The following TCERG1 variants were observed in gnomAD, a reference collection of about 807,000 sequenced individuals.
TCERG1 encodes transcription elongation regulator 1.
In TCERG1, 37 loss-of-function variants were observed where a neutral mutation model predicts 144.7. That is an observed-to-expected ratio of 0.26 (90% CI 0.20 to 0.34). The LOEUF (loss-of-function observed/expected upper bound fraction) is 0.34. Among genes scored for constraint, TCERG1 ranks in the 10% least tolerant of loss-of-function variants. The pLI, the probability that TCERG1 is intolerant of heterozygous loss-of-function variation, is 1.00. For missense variants in TCERG1, 1,027 were observed against 1,380.7 expected (o/e 0.74, Z 4.06); for synonymous variants, 492 against 458.2 (o/e 1.07, Z -0.94).
At chr5:146,459,965 G>C (rs1204841823) in intron 4 of TCERG1, among the ~76,000 whole-genome samples, 2 of 152,160 alleles carry the variant, frequency 1.3e-5, no homozygotes, top group Admixed American at 1.3e-4. Context: ...TAGGCAAATA[G>C]GTGAGACAGG....
chr5:146,485,979 G>A (rs1765792726), intron 15 of TCERG1, among the ~76,000 whole-genome samples: 1 of 152,298 alleles, frequency 6.6e-6, no homozygotes, highest in African/African-American at 2.4e-5. Flanking sequence ...ACAGGCGTGA[G>A]CCACCACGCC....
chr5:146,480,034 A>T lies in TCERG1; in HGVS notation c.1826A>T (p.Glu609Val), dbSNP rs1765200747. The change falls in exon 12 of 23, where the codon GAG becomes GTG. Residue 609 changes from glutamate (E) to valine (V), a missense_variant. Around this residue, in one of 6 missense-constraint regions of TCERG1, gnomAD observed 482 missense variants for 632.6 expected, o/e 0.76. Coordinates refer to ENST00000679501, the MANE Select transcript of TCERG1 (RefSeq NM_001382548.1). ...ATTAAATTTTGTCTTATAGTTAAAG[A>T]GGAACAAGAATTAATGGAAGAAATT... ...KWQFSMSAIK[E>V]EQELMEEINE... 2 of 1,600,614 alleles carry T rather than the reference A, an allele frequency of 1.2e-6. No homozygotes were observed. Among genetic ancestry groups the T allele is most frequent in the Non-Finnish European group, 1.7e-6 (2 of 1,174,476 alleles).
chr5:146,456,400 A>C (rs1032071047), intron 2 of TCERG1, among the ~76,000 whole-genome samples: 4 of 152,198 alleles, frequency 2.6e-5, no homozygotes, highest in Admixed American at 6.5e-5. Flanking sequence ...AAATATATCA[A>C]ATGTTGTGCT....
intron 1 of TCERG1, among the ~76,000 whole-genome samples, chr5:146,454,204 A>AC (rs2150201665): frequency 6.9e-6 from 1 of 145,812 alleles, no homozygotes; most frequent in Admixed American, 6.8e-5. Flanking sequence ...GGTCTCAAAA[A>AC]AAAAAAAGAA....
intron 5 of TCERG1, among the ~76,000 whole-genome samples, chr5:146,466,054 A>AATAT (rs1021502617): frequency 1.3e-5 from 2 of 151,984 alleles, no homozygotes; most frequent in African/African-American, 4.8e-5. Context: ...ATTAGCATCA[A>AATAT]ATATTAGTTT....
chr5:146,453,994 A>G (rs1406528731), intron 1 of TCERG1, among the ~76,000 whole-genome samples: 1 of 150,954 alleles, frequency 6.6e-6, no homozygotes, highest in African/African-American at 2.4e-5. Context: ...TCAGGAGATC[A>G]AGACCATTGC....
intron 6 of TCERG1, 41 bp downstream of exon 6, chr5:146,468,444 T>C (rs1457091400): frequency 6.3e-7 from 1 of 1,590,588 alleles, no homozygotes; most frequent in South Asian, 1.1e-5. Flanking sequence ...GTCTGTAAGT[T>C]GGCATGGTAG....
chr5:146,480,188 T>C, intron 12 of TCERG1, 94 bp downstream of exon 12: 1 of 960,998 alleles, frequency 1.0e-6, no homozygotes, highest in Non-Finnish European at 1.6e-6. Flanking sequence ...GTAATGTGAA[T>C]GTTGTTAGGA....
intron 4 of TCERG1, among the ~76,000 whole-genome samples, chr5:146,460,647 A>G (rs1433016009): frequency 6.6e-6 from 1 of 152,202 alleles, no homozygotes; most frequent in Non-Finnish European, 1.5e-5. Flanking sequence ...ATTTGAATTT[A>G]TTTTATTGAT....
At chr5:146,482,033 G>T (rs1765406704) in intron 13 of TCERG1, 1 of 152,046 alleles carries the variant, frequency 6.6e-6, no homozygotes, top group Admixed American at 6.6e-5. Context: ...GGTAGGTAAG[G>T]TATATATCTT....
Position 146,457,169 on chromosome 5 carries a change from T to G in TCERG1, c.286-14T>G. On this transcript the variant is annotated splice_polypyrimidine_tract_variant and intron_variant, in intron 2 of 22. Transcript: ENST00000679501. ...GTAATTAAAGTGACCATTACTGTTT[T>G]TGTGAATTAACAGAGACCACCTTTC... 1 of 1,608,502 alleles carries G rather than the reference T, an allele frequency of 6.2e-7. No homozygotes were observed. The highest frequency in any genetic ancestry group is 8.5e-7 in the Non-Finnish European group (1 of 1,177,420).
At position 146,471,552 on chromosome 5, in the gene TCERG1, C is replaced by T; in HGVS notation, c.1577C>T (p.Thr526Ile). The change falls in exon 9 of 23, where the codon ACT (threonine) becomes ATT (isoleucine). Residue 526 changes from threonine to isoleucine, a missense_variant. Physicochemically the swap from Thr to Ile is moderately conservative, Grantham distance 89. Around this residue, in one of 6 missense-constraint regions of TCERG1, gnomAD observed 482 missense variants for 632.6 expected, o/e 0.76. Coordinates refer to ENST00000679501, the MANE Select transcript of TCERG1 (RefSeq NM_001382548.1). ...GCCCAGAAGGCAAAGCCAGTTGCTA[C>T]TGCTCCTATTCCTGGTACTCCATGG... ...KAAQKAKPVA[T>I]APIPGTPWCV... 1 of 1,613,682 alleles carries T rather than the reference C, an allele frequency of 6.2e-7. No homozygotes were observed.
At chr5:146,454,753 A>G (rs1257948821) in intron 1 of TCERG1, among the ~76,000 whole-genome samples, 1 of 151,986 alleles carries the variant, frequency 6.6e-6, no homozygotes. Context: ...GTGCGCCTCC[A>G]TACCTGGCTG....
chr5:146,447,920 C>T (rs1762028550), intron 1 of TCERG1, among the ~76,000 whole-genome samples: 1 of 152,268 alleles, frequency 6.6e-6, no homozygotes, highest in Non-Finnish European at 1.5e-5. Context: ...TCATTGCTTG[C>T]CTTTCTTAAC....
intron 5 of TCERG1, among the ~76,000 whole-genome samples, chr5:146,465,930 GA>G (rs1247749778): frequency 1.3e-5 from 2 of 149,528 alleles, no homozygotes; most frequent in East Asian, 4.1e-4. Context: ...TGAGGCAGGA[GA>G]ATTTCTTGAA....
At chr5:146,473,692 A>G (rs1389886348) in intron 9 of TCERG1, among the ~76,000 whole-genome samples, 15 of 152,238 alleles carry the variant, frequency 9.9e-5, no homozygotes, top group South Asian at 2.1e-4. Context: ...CGTTAAATCT[A>G]CTCTGCTTGT....
At chr5:146,498,278 G>A (rs1356808682) in intron 16 of TCERG1, among the ~76,000 whole-genome samples, 1 of 151,480 alleles carries the variant, frequency 6.6e-6, no homozygotes, top group Non-Finnish European at 1.5e-5. Context: ...TCTTTACTCT[G>A]TGATCTCTTT....
At position 146,480,105 on chromosome 5, in the gene TCERG1, C is replaced by T. The variant is rs373316151; in HGVS notation, c.1886+11C>T. ...AGCAAAAAAACGGAAGTAAGTAATA[C>T]ATACGATTTGATTGAGGTAGATTAT... On this transcript the variant is annotated intron_variant, in intron 12 of 22. Coordinates refer to ENST00000679501, the MANE Select transcript of TCERG1 (RefSeq NM_001382548.1). 2.0e-5 allele frequency: 31 copies of T among 1,569,764 alleles called. No homozygotes were observed. Among genetic ancestry groups the T allele is most frequent in the Non-Finnish European group, 2.6e-5 (30 of 1,156,416 alleles).
chr5:146,484,781 A>G (rs1010756706), intron 15 of TCERG1, among the ~76,000 whole-genome samples: 8 of 152,102 alleles, frequency 5.3e-5, no homozygotes, highest in Admixed American at 1.3e-4. Context: ...CAGCAAATCT[A>G]TAATCTACCT....
Sources: gnomAD v4.1 joint callset for allele counts (sites outside exome capture counted in the v4.1 genomes callset) on GRCh38, gnomAD v4.1.1 for gene constraint, gnomAD v4.1.1 regional missense constraint, MANE v1.5 for transcripts, NCBI Gene and HGNC (gene_info 2026-07-23, HGNC 2026-07-21) for gene names.